MYO1B: variants seen among roughly 807,000 people sequenced by gnomAD.
MYO1B encodes myosin IB.
Under a neutral mutation model 159.7 loss-of-function variants are expected in MYO1B, and 72 were observed. The observed-to-expected ratio is 0.45, with a 90% CI of 0.37 to 0.55. The LOEUF is 0.55. MYO1B is among the 20% of genes least tolerant of loss of function. The probability of loss-of-function intolerance (pLI) is 0.00; values close to 1 mark genes in which losing one functional copy is unlikely to be tolerated. For missense variants in MYO1B, 1,062 were observed against 1,364.8 expected (o/e 0.78, Z 3.50); for synonymous variants, 468 against 473.8 (o/e 0.99, Z 0.16).
intron 21 of MYO1B, among the ~76,000 whole-genome samples, chr2:191,397,161 G>A (rs1207026579): frequency 2.9e-5 from 1 of 34,810 alleles, no homozygotes; most frequent in Admixed American, 3.2e-4. Flanking sequence ...TTTTTTTGTA[G>A]GTGGGATGTA....
At chr2:191,315,605 AC>A (rs1268299163) in intron 3 of MYO1B, among the ~76,000 whole-genome samples, 1 of 152,216 alleles carries the variant, frequency 6.6e-6, no homozygotes, top group South Asian at 2.1e-4. Flanking sequence ...TGCATATAAG[AC>A]CAAAGTGCAT....
intron 17 of MYO1B, among the ~76,000 whole-genome samples, chr2:191,389,864 G>T (rs1411139003): frequency 6.6e-6 from 1 of 152,138 alleles, no homozygotes; most frequent in Non-Finnish European, 1.5e-5. Context: ...AAACATTCCC[G>T]TCAGTCCAGA....
intron 3 of MYO1B, among the ~76,000 whole-genome samples, chr2:191,304,072 C>T (rs1179009494): frequency 5.3e-5 from 8 of 152,118 alleles, no homozygotes; most frequent in African/African-American, 1.7e-4. Flanking sequence ...TTGACTTAGG[C>T]GAGTTTCATA....
chr2:191,320,337 T>C (rs1373983689), intron 3 of MYO1B, among the ~76,000 whole-genome samples: 1 of 152,144 alleles, frequency 6.6e-6, no homozygotes, highest in Non-Finnish European at 1.5e-5. Flanking sequence ...AATTAAGGAG[T>C]ACTGAATTAT....
At chr2:191,265,559 T>TCTTGG (rs1687084738) in intron 1 of MYO1B, among the ~76,000 whole-genome samples, 1 of 152,168 alleles carries the variant, frequency 6.6e-6, no homozygotes, top group African/African-American at 2.4e-5. Flanking sequence ...CACCAGTCTT[T>TCTTGG]CTTGGCGTCT....
chr2:191,409,127 A>G lies in MYO1B; in HGVS notation c.2715A>G (p.Leu905=), dbSNP rs758547485. ...AGAATTGGCCCTCAAGACCTTACTT[A>G]TTCTTGGATTCTACTCACAAGGAGC... ...IDKNWPSRPY[L]FLDSTHKELK... The change falls in exon 26 of 31, where the codon TTA becomes TTG. Residue 905 remains leucine, a synonymous_variant. Transcript: ENST00000392318. 6.2e-7 allele frequency: 1 copy of G among 1,613,254 alleles called. No individual in the cohort carries two copies. Among genetic ancestry groups the G allele is most frequent in the Non-Finnish European group, 8.5e-7 (1 of 1,179,750 alleles).
rs773095491 is a variant in MYO1B, at chr2:191,400,441, C to T, written c.2355C>T (p.Thr785=). 2.5e-6 allele frequency: 4 copies of T among 1,614,136 alleles called. No homozygotes were observed. The highest frequency in any genetic ancestry group is 1.1e-5 in the South Asian group (1 of 91,072). The change falls in exon 22 of 31, where the codon ACC becomes ACT. Residue 785 remains threonine (T), a synonymous_variant. Coordinates refer to ENST00000392318, the MANE Select transcript of MYO1B (RefSeq NM_001130158.3). ...AGCGCTGTAAGGAAGCAGTCACGAC[C>T]ATTGCTGCATATTGGCATGGGACCC... ...HQKRCKEAVT[T]IAAYWHGTQA...
intron 27 of MYO1B, among the ~76,000 whole-genome samples, chr2:191,411,716 G>A (rs1003539608): frequency 2.0e-5 from 3 of 152,144 alleles, no homozygotes; most frequent in Middle Eastern, 3.2e-3. Flanking sequence ...AGCACGTTCA[G>A]TTCCTTTATT....
At chr2:191,336,589 G>T (rs924764026) in intron 4 of MYO1B, among the ~76,000 whole-genome samples, 1 of 152,104 alleles carries the variant, frequency 6.6e-6, no homozygotes, top group African/African-American at 2.4e-5. Context: ...TTGTAACAAA[G>T]GCTGCGTCTC....
At chr2:191,413,065 C>T (rs986491438) in intron 27 of MYO1B, among the ~76,000 whole-genome samples, 4 of 152,146 alleles carry the variant, frequency 2.6e-5, no homozygotes, top group African/African-American at 7.2e-5. Context: ...CCACCAAATG[C>T]CATGATCACC....
At chr2:191,379,816 G>GA (rs1429747221) in intron 13 of MYO1B, among the ~76,000 whole-genome samples, 1 of 152,102 alleles carries the variant, frequency 6.6e-6, no homozygotes, top group African/African-American at 2.4e-5. Flanking sequence ...CTGATATATG[G>GA]AATGCCTTTA....
chr2:191,247,808 G>GCTGGTCT (rs1685877533), intron 1 of MYO1B: 1 of 328,836 alleles, frequency 3.0e-6, no homozygotes, highest in African/African-American at 2.2e-5. Context: ...ATCCTAAGTG[G>GCTGGTCT]CTGGTCTCTG....
chr2:191,382,097 T>C (rs1304694643), intron 14 of MYO1B, among the ~76,000 whole-genome samples: 1 of 152,160 alleles, frequency 6.6e-6, no homozygotes, highest in Non-Finnish European at 1.5e-5. Context: ...AATTTAAAAA[T>C]ATATATTTGC....
At chr2:191,310,518 T>C (rs1689936481) in intron 3 of MYO1B, among the ~76,000 whole-genome samples, 1 of 152,220 alleles carries the variant, frequency 6.6e-6, no homozygotes, top group Non-Finnish European at 1.5e-5. Context: ...AAGGAATTCT[T>C]GAAGTAGGTG....
intron 30 of MYO1B, among the ~76,000 whole-genome samples, chr2:191,420,878 G>T (rs1697893141): frequency 6.6e-6 from 1 of 152,122 alleles, no homozygotes; most frequent in Non-Finnish European, 1.5e-5. Flanking sequence ...TGAATGCCAT[G>T]AAATAATACA....
chr2:191,392,100 T>C lies in MYO1B; in HGVS notation c.1983-8T>C. ...GAAAACTCACTGTTTTTATTTTTAT[T>C]TTTTTAGGTCTGGTGTGGAGGTCCT... On this transcript the variant is annotated splice_region_variant and splice_polypyrimidine_tract_variant and intron_variant, in intron 18 of 30. Transcript: ENST00000392318. 1 of 1,584,904 alleles carries C rather than the reference T, an allele frequency of 6.3e-7. No homozygotes were observed. Among genetic ancestry groups the C allele is most frequent in the Non-Finnish European group, 8.6e-7 (1 of 1,160,386 alleles).
Position 191,370,290 on chromosome 2 carries a change from G to A in MYO1B, c.1183G>A (p.Glu395Lys), listed in dbSNP as rs753782246. The A allele has an allele frequency of 3.7e-6, 6 of 1,612,384 alleles. No homozygotes were observed. The highest frequency in any genetic ancestry group is 2.2e-5 in the East Asian group (1 of 44,782). Reference sequence around the variant, plus strand: ...GGACATTTATGGCTTTGAGATTTTCGAGGTAAGATTTAAAATTTTTTTTGT... The same window carrying A: ...GGACATTTATGGCTTTGAGATTTTCAAGGTAAGATTTAAAATTTTTTTTGT... The part of the protein sequence containing the change: ...VLDIYGFEIF[E>K]DNSFEQFIIN... The change falls in exon 13 of 31, where the codon GAG becomes AAG. Residue 395 changes from glutamate to lysine, a missense_variant and splice_region_variant. By Grantham distance (56) the Glu-to-Lys change is moderately conservative. This residue lies in a region of MYO1B where 415 missense variants were observed against 544.0 expected (regional missense o/e 0.76). Transcript: ENST00000392318.
chr2:191,360,784 T>A, intron 8 of MYO1B, 55 bp downstream of exon 8: 1 of 1,333,144 alleles, frequency 7.5e-7, no homozygotes, highest in Non-Finnish European at 1.1e-6. Context: ...GTTGTTGTTG[T>A]TGTTGGAGCT....
At chr2:191,322,879 T>C (rs1038672412) in intron 3 of MYO1B, among the ~76,000 whole-genome samples, 3 of 152,104 alleles carry the variant, frequency 2.0e-5, no homozygotes, top group African/African-American at 4.8e-5. Context: ...ACAAGTTTAT[T>C]AGAGAATCAG....
Sources: allele counts gnomAD v4.1 joint callset (sites outside exome capture counted in the v4.1 genomes callset), GRCh38; gene constraint gnomAD v4.1.1; regional missense constraint gnomAD v4.1.1; transcripts MANE v1.5; gene names NCBI Gene and HGNC (gene_info 2026-07-23, HGNC 2026-07-21).